Variants in CENPF observed in about 807,000 individuals in gnomAD.
CENPF encodes the protein centromere protein F.
Under a neutral mutation model 307.3 loss-of-function variants are expected in CENPF, and 214 were observed. That is an observed-to-expected ratio of 0.70 (90% confidence interval 0.62 to 0.78). The LOEUF is 0.78. Ranked by LOEUF, CENPF falls within the 30% of genes least tolerant of loss-of-function variation. The probability of loss-of-function intolerance (pLI) is 0.00; values close to 1 mark genes in which losing one functional copy is unlikely to be tolerated. For synonymous variants in CENPF, 1,259 were observed against 1,270.6 expected (o/e 0.99, Z 0.19); for missense variants, 3,401 against 3,483.9 (o/e 0.98, Z 0.60).
rs1658104354 is a variant in CENPF, at chr1:214,641,249, G to A, written c.2911G>A (p.Glu971Lys). The change falls in exon 12 of 20, where the codon GAG becomes AAG. Residue 971 changes from glutamate to lysine, a missense_variant. Glu to Lys is a moderately conservative substitution (Grantham distance 56, BLOSUM62 1). Transcript: ENST00000366955. ...TTCTCTAAATAAAAGGGAAATTGAAGAGCTGACCCAAGAGAATGGGACTCT... is the reference window on the plus strand; with the variant it reads ...TTCTCTAAATAAAAGGGAAATTGAAAAGCTGACCCAAGAGAATGGGACTCT... ...IISLNKREIE[E>K]LTQENGTLKE... 6 of 1,602,486 alleles carry A rather than the reference G, an allele frequency of 3.7e-6. No individual in the cohort carries two copies. In the South Asian group the frequency reaches 6.8e-5, roughly 18 times the overall value.
Position 214,634,353 on chromosome 1 carries a change from A to G in CENPF, c.1446+1751A>G, listed in dbSNP as rs573271411. ...TGTTTTGCATTGGGATTGGGACCAG[A>G]TAACTGATGAACCCAGTTAGAGTGG... is the stretch of plus-strand genomic sequence containing the variant. On this transcript the variant is annotated intron_variant, in intron 10 of 19. Coordinates refer to ENST00000366955, the MANE Select transcript of CENPF (RefSeq NM_016343.4). 4.6e-5 allele frequency among the ~76,000 whole-genome samples: 7 copies of G among 152,332 alleles called. No homozygotes were observed. In the South Asian group the frequency reaches 1.2e-3, roughly 27 times the overall value.
Position 214,642,148 on chromosome 1 carries a change from A to T in CENPF, c.3810A>T (p.Glu1270Asp). 1 of 1,614,092 alleles carries T rather than the reference A, an allele frequency of 6.2e-7. No homozygotes were observed. Among genetic ancestry groups the T allele is most frequent in the Non-Finnish European group, 8.5e-7 (1 of 1,179,996 alleles). Residue 1270 changes from glutamate (E) to aspartate (D), a missense_variant, in exon 12 of 20, where the codon GAA (glutamate) becomes GAT (aspartate). Glu to Asp is a conservative substitution (Grantham distance 45). Coordinates refer to ENST00000366955, the MANE Select transcript of CENPF (RefSeq NM_016343.4). ...AAGACTGTGAAATAGATGCGGAAGA[A>T]AAGTATATTTCAGGGCCTCATGAGT... Reference protein sequence around the residue: ...GLKDCEIDAEEKYISGPHELS... With the variant: ...GLKDCEIDAEDKYISGPHELS...
At chr1:214,619,525 G>T (rs1417953539) in intron 5 of CENPF, among the ~76,000 whole-genome samples, 1 of 152,216 alleles carries the variant, frequency 6.6e-6, no homozygotes, top group Non-Finnish European at 1.5e-5. Flanking sequence ...AGTGGGGCCA[G>T]AGAATTAGTC....
chr1:214,646,265 T>TTAAATGA lies in CENPF; in HGVS notation c.6695_6696insTAAATGA (p.Leu2232PhefsTer3). The TTAAATGA allele has an allele frequency of 6.2e-7, 1 of 1,614,128 alleles. No individual in the cohort carries two copies. The highest frequency in any genetic ancestry group is 1.6e-4 in the Middle Eastern group (1 of 6,062). On this transcript the variant is annotated stop_gained and frameshift_variant, in exon 13 of 20. Transcript: ENST00000366955. LOFTEE classifies it high-confidence loss of function. ...GGTCAGTTGTCAGAACTAGACAAGTTACTCTCTTCATTTAAAAGTCTGTTA... is the reference window on the plus strand; with the variant it reads ...GGTCAGTTGTCAGAACTAGACAAGTTTAAATGAACTCTCTTCATTTAAAAGTCTGTTA...
chr1:214,606,089 C>T, intron 1 of CENPF: 1 of 1,586,948 alleles, frequency 6.3e-7, no homozygotes, highest in Non-Finnish European at 8.5e-7. Flanking sequence ...CCTGGAGGCG[C>T]CGGAGCAGGG....
Position 214,646,903 on chromosome 1 carries a change from A to T in CENPF, c.7333A>T (p.Thr2445Ser). 1 of 1,614,122 alleles carries T rather than the reference A, an allele frequency of 6.2e-7. No homozygotes were observed. Among genetic ancestry groups the T allele is most frequent in the Non-Finnish European group, 8.5e-7 (1 of 1,180,002 alleles). The part of the protein sequence containing the change: ...KSSTAMEMLQ[T>S]QLKELNERVA... ...AAGCACTGCCATGGAGATGCTTCAAACACAATTAAAAGAGCTCAATGAGAG... is the reference window on the plus strand; with the variant it reads ...AAGCACTGCCATGGAGATGCTTCAATCACAATTAAAAGAGCTCAATGAGAG... Residue 2445 changes from threonine to serine, a missense_variant, in exon 13 of 20, where the codon ACA (threonine) becomes TCA (serine). Physicochemically the swap from Thr to Ser is moderately conservative, Grantham distance 58. Transcript: ENST00000366955.
chr1:214,650,026 C>T (rs571061367), intron 14 of CENPF, among the ~76,000 whole-genome samples: 4 of 152,150 alleles, frequency 2.6e-5, no homozygotes, highest in South Asian at 4.1e-4. Flanking sequence ...AACAAATAAG[C>T]GGATAAATAC....
chr1:214,646,390 G>A lies in CENPF; in HGVS notation c.6820G>A (p.Ala2274Thr). ...AAAGGAGCTAAATGAGGCAGTAGCA[G>A]CCTTGTGTGGTGACCAAGAAATTAT... ...QLKELNEAVA[A>T]LCGDQEIMKA... Residue 2274 changes from alanine (A) to threonine (T), a missense_variant, in exon 13 of 20, where the codon GCC (alanine) becomes ACC (threonine). Coordinates refer to ENST00000366955, the MANE Select transcript of CENPF (RefSeq NM_016343.4). The A allele has an allele frequency of 6.2e-7, 1 of 1,614,136 alleles. No individual in the cohort carries two copies.
intron 7 of CENPF, among the ~76,000 whole-genome samples, chr1:214,627,655 C>T (rs772506024): frequency 9.9e-5 from 15 of 151,642 alleles, no homozygotes; most frequent in Non-Finnish European, 1.9e-4. Flanking sequence ...GGATTACAGG[C>T]GTGAGCCACT....
Position 214,648,843 on chromosome 1 carries a change from A to T in CENPF, c.7983+16A>T. 1 of 1,611,714 alleles carries T rather than the reference A, an allele frequency of 6.2e-7. No homozygotes were observed. The highest frequency in any genetic ancestry group is 8.5e-7 in the Non-Finnish European group (1 of 1,178,718). The stretch of plus-strand genomic sequence containing the variant: ...GAGCAGCAAAGTAAGTTTCTTTGTG[A>T]CAAGTGTTATTATGATCTGTTAATT... On this transcript the variant is annotated intron_variant, in intron 14 of 19. Transcript: ENST00000366955.
intron 7 of CENPF, among the ~76,000 whole-genome samples, chr1:214,628,445 T>C (rs1657715627): frequency 6.6e-6 from 1 of 152,144 alleles, no homozygotes; most frequent in South Asian, 2.1e-4. Context: ...CTTTTTGTTT[T>C]GTTTTGTTTT....
rs538887041 is a variant in CENPF at position 214,647,690 on chromosome 1, C to G, written c.7830+290C>G. Among the ~76,000 whole-genome samples the G allele has an allele frequency of 6.4e-4, 98 of 152,156 alleles. 1 individual carries two copies. The highest frequency in any genetic ancestry group is 9.7e-4 in the Non-Finnish European group (66 of 68,024). ...TTTGGTTTATGCACAGTTCCTTGTTCTAGTTATATTTCCTTTTCTTAGAGT... is the reference window on the plus strand; with the variant it reads ...TTTGGTTTATGCACAGTTCCTTGTTGTAGTTATATTTCCTTTTCTTAGAGT... On this transcript the variant is annotated intron_variant, in intron 13 of 19. Transcript: ENST00000366955.
At chr1:214,633,668 T>C (rs1043056168) in intron 10 of CENPF, among the ~76,000 whole-genome samples, 1 of 152,160 alleles carries the variant, frequency 6.6e-6, no homozygotes, top group Non-Finnish European at 1.5e-5. Context: ...AGCAGACAGG[T>C]GATTGTTAAA....
chr1:214,640,547 C>A lies in CENPF; in HGVS notation c.2209C>A (p.His737Asn), dbSNP rs758829902. ...TACTGGGCAAGTTGAAGATCTAGAA[C>A]ACAAGCTTCAGTTACTGTCAAATGA... ...QLTGQVEDLE[H>N]KLQLLSNEIM... The change falls in exon 12 of 20, where the codon CAC (histidine) becomes AAC (asparagine). Residue 737 changes from histidine to asparagine, a missense_variant. His to Asn is a moderately conservative substitution (Grantham distance 68). Coordinates refer to ENST00000366955, the MANE Select transcript of CENPF (RefSeq NM_016343.4). The A allele has an allele frequency of 6.2e-7, 1 of 1,613,972 alleles. No individual in the cohort carries two copies. The highest frequency in any genetic ancestry group is 2.2e-5 in the East Asian group (1 of 44,890).
chr1:214,640,318 A>G lies in CENPF; in HGVS notation c.1980A>G (p.Glu660=), dbSNP rs1186761983. 3 of 1,613,860 alleles carry G rather than the reference A, an allele frequency of 1.9e-6. No homozygotes were observed. Among genetic ancestry groups the G allele is most frequent in the African/African-American group, 1.3e-5 (1 of 74,932 alleles). ...AGACACAGCAAATAAAAAGTCATGA[A>G]TACAACGAGAGAGTAAGAACGCTGG... The part of the protein sequence containing the change: ...CLKTQQIKSH[E]YNERVRTLEM... Residue 660 remains glutamate (E), a synonymous_variant, in exon 12 of 20, where the codon GAA becomes GAG. Coordinates refer to ENST00000366955, the MANE Select transcript of CENPF (RefSeq NM_016343.4).
intron 7 of CENPF, among the ~76,000 whole-genome samples, chr1:214,625,759 G>A (rs1045730175): frequency 6.6e-6 from 1 of 151,768 alleles, no homozygotes; most frequent in Non-Finnish European, 1.5e-5. Flanking sequence ...GATTGTTCTA[G>A]ATATTACATT....
chr1:214,629,625 C>T (rs889269450), intron 8 of CENPF, among the ~76,000 whole-genome samples: 1 of 152,000 alleles, frequency 6.6e-6, no homozygotes, highest in Non-Finnish European at 1.5e-5. Context: ...AATCTTGGCT[C>T]CCTGCAACCT....
intron 1 of CENPF, 181 bp from the exon 2 acceptor site, chr1:214,613,533 T>G (rs568927218): frequency 8.2e-5 from 34 of 413,352 alleles, no homozygotes; most frequent in Middle Eastern, 1.2e-3. Context: ...AGTATGTACT[T>G]CAGAATCAAT....
At chr1:214,617,033 T>G (rs1010031704) in intron 3 of CENPF, among the ~76,000 whole-genome samples, 11 of 148,216 alleles carry the variant, frequency 7.4e-5, no homozygotes, top group African/African-American at 2.5e-4. Context: ...TCTCTTTCTT[T>G]CTTTCTTCTT....
Sources: gnomAD v4.1 joint callset for allele counts (sites outside exome capture counted in the v4.1 genomes callset) on GRCh38, gnomAD v4.1.1 for gene constraint, MANE v1.5 for transcripts, NCBI Gene and HGNC (gene_info 2026-07-23, HGNC 2026-07-21) for gene names.